ASCC3: variants seen among roughly 807,000 people sequenced by gnomAD.
ASCC3 encodes activating signal cointegrator 1 complex subunit 3.
ASCC3 carries 158 observed loss-of-function variants against 256.3 expected under a neutral mutation model. That is an observed-to-expected ratio of 0.62 (90% confidence interval 0.54 to 0.70). The LOEUF is 0.70. Ranked by LOEUF, ASCC3 falls within the 30% of genes least tolerant of loss-of-function variation. The pLI, the probability that ASCC3 is intolerant of heterozygous loss-of-function variation, is 0.00. For missense variants in ASCC3, 2,259 were observed against 2,626.0 expected, an observed-to-expected ratio of 0.86 and a Z score of 3.05; for synonymous variants, 948 against 883.4, an observed-to-expected ratio of 1.07 and a Z score of -1.30.
chr6:100,707,593 T>A (rs533742740), intron 13 of ASCC3, among the ~76,000 whole-genome samples: 17 of 152,186 alleles, frequency 1.1e-4, no homozygotes, highest in African/African-American at 3.6e-4. Context: ...GTACATTTTA[T>A]TAAAAGATAA....
chr6:100,717,114 T>C (rs975688110), intron 12 of ASCC3, among the ~76,000 whole-genome samples: 2 of 151,940 alleles, frequency 1.3e-5, no homozygotes, highest in Non-Finnish European at 2.9e-5. Flanking sequence ...TGTACAAGTC[T>C]AAAATGACTC....
At chr6:100,520,777 T>C (rs1272574956) in intron 37 of ASCC3, among the ~76,000 whole-genome samples, 1 of 152,300 alleles carries the variant, frequency 6.6e-6, no homozygotes, top group East Asian at 1.9e-4. Flanking sequence ...TGTAGTGGGC[T>C]ATACCATCTA....
At chr6:100,563,255 C>G (rs1010809964) in intron 36 of ASCC3, among the ~76,000 whole-genome samples, 6 of 152,002 alleles carry the variant, frequency 3.9e-5, no homozygotes, top group Non-Finnish European at 8.8e-5. Flanking sequence ...TTCTTCAACT[C>G]TTTTTTGTGC....
chr6:100,663,658 G>A (rs1289176582), intron 14 of ASCC3, among the ~76,000 whole-genome samples: 1 of 152,048 alleles, frequency 6.6e-6, no homozygotes, highest in Non-Finnish European at 1.5e-5. Flanking sequence ...GAATAAAAAC[G>A]AAATTGTATG....
intron 4 of ASCC3, among the ~76,000 whole-genome samples, chr6:100,847,609 T>C (rs537699927): frequency 6.6e-6 from 1 of 152,316 alleles, no homozygotes; most frequent in African/African-American, 2.4e-5. Context: ...ATAATGATTA[T>C]TTAACATGTT....
chr6:100,765,250 C>A (rs925270732), intron 10 of ASCC3, among the ~76,000 whole-genome samples: 2 of 152,220 alleles, frequency 1.3e-5, no homozygotes, highest in Admixed American at 6.5e-5. Flanking sequence ...CTAAGCCCCC[C>A]AACCATCTGA....
At chr6:100,548,146 G>C (rs2114678899) in intron 36 of ASCC3, among the ~76,000 whole-genome samples, 1 of 151,916 alleles carries the variant, frequency 6.6e-6, no homozygotes, top group African/African-American at 2.4e-5. Flanking sequence ...GCTACCTAGG[G>C]GAGTGGTCAT....
chr6:100,672,736 A>G (rs1776810731), intron 14 of ASCC3, among the ~76,000 whole-genome samples: 2 of 152,204 alleles, frequency 1.3e-5, no homozygotes, highest in South Asian at 2.1e-4. Flanking sequence ...CAAATTTCTA[A>G]TAAGTACCTA....
At chr6:100,747,747 G>T (rs1244501982) in intron 10 of ASCC3, among the ~76,000 whole-genome samples, 1 of 152,044 alleles carries the variant, frequency 6.6e-6, no homozygotes, top group East Asian at 1.9e-4. Context: ...AGAGAGGGAT[G>T]AATTATTTTG....
intron 13 of ASCC3, among the ~76,000 whole-genome samples, chr6:100,694,742 C>A (rs1274987360): frequency 1.3e-5 from 2 of 151,918 alleles, no homozygotes; most frequent in Non-Finnish European, 2.9e-5. Context: ...GTAACACTTT[C>A]AAGATGTCCA....
chr6:100,568,731 G>C (rs184968643), intron 36 of ASCC3, among the ~76,000 whole-genome samples: 39 of 148,290 alleles, frequency 2.6e-4, no homozygotes, highest in African/African-American at 6.9e-4. Context: ...TGCTGCAATT[G>C]CTTTTGAGGA....
At chr6:100,653,093 A>G (rs982087275) in intron 17 of ASCC3, among the ~76,000 whole-genome samples, 4 of 152,208 alleles carry the variant, frequency 2.6e-5, no homozygotes, top group Non-Finnish European at 5.9e-5. Flanking sequence ...AAAATTCATT[A>G]AAATTATCAA....
intron 2 of ASCC3, among the ~76,000 whole-genome samples, chr6:100,866,857 C>A (rs535321476): frequency 6.6e-6 from 1 of 152,280 alleles, no homozygotes; most frequent in South Asian, 2.1e-4. Context: ...TTTTGTTATT[C>A]TGTGCAAACT....
At position 100,586,778 on chromosome 6, in the gene ASCC3, C is replaced by T. The variant is rs575692234; in HGVS notation, c.5550+2856G>A. Among the ~76,000 whole-genome samples, 6 of 152,190 alleles carry T rather than the reference C, an allele frequency of 3.9e-5. No homozygotes were observed. The South Asian group carries it at 6.2e-4, about 16-fold the overall frequency. On this transcript the variant is annotated intron_variant, in intron 36 of 41. Transcript: ENST00000369162. ...AATCTTAATGAACCTAATTTCTATA[C>T]GTTATTAATACCCCCAAATCCTGAA... is the stretch of plus-strand genomic sequence containing the variant.
chr6:100,693,006 T>C (rs1004786327), intron 13 of ASCC3, among the ~76,000 whole-genome samples: 28 of 151,870 alleles, frequency 1.8e-4, no homozygotes, highest in African/African-American at 6.8e-4. Context: ...TAGAATATTA[T>C]CCATTTTAAC....
rs369554788 is a variant in ASCC3 at position 100,608,241 on chromosome 6, TTATATA to T, written c.4786-1159_4786-1154del. On this transcript the variant is annotated intron_variant, in intron 30 of 41. Transcript: ENST00000369162. ...ATATATACTTTATATACTTTATACT[TTATATA>T]TATACTTTATATATACTTTATATAT... Among the ~76,000 whole-genome samples the T allele has an allele frequency of 6.0e-3, 228 of 38,280 alleles. 65 individuals are homozygous for T. The highest frequency in any genetic ancestry group is 0.016 in the African/African-American group (217 of 13,516). The allele number at this position is 38,280 out of a possible 152,430, so 25.1% of individuals were successfully genotyped here.
At chr6:100,879,161 G>GT (rs1417335300) in intron 1 of ASCC3, among the ~76,000 whole-genome samples, 1 of 152,188 alleles carries the variant, frequency 6.6e-6, no homozygotes, top group Non-Finnish European at 1.5e-5. Flanking sequence ...ATAGGATAGG[G>GT]TAATTTATAA....
intron 8 of ASCC3, among the ~76,000 whole-genome samples, chr6:100,783,597 A>G (rs1253550525): frequency 2.6e-5 from 4 of 152,126 alleles, no homozygotes; most frequent in African/African-American, 9.7e-5. Flanking sequence ...TCCAACTATG[A>G]CTTTCTTTCC....
chr6:100,762,309 C>T lies in ASCC3; in HGVS notation c.1737+4256G>A, dbSNP rs190325627. ...TTCAGAACTCAGAGCAAATGCTTTGCTTTAACACAGTTACTGCCAGGACAG... is the reference window on the plus strand; with the variant it reads ...TTCAGAACTCAGAGCAAATGCTTTGTTTTAACACAGTTACTGCCAGGACAG... On this transcript the variant is annotated intron_variant, in intron 10 of 41. Transcript: ENST00000369162. Among the ~76,000 whole-genome samples, 82 of 152,314 alleles carry T rather than the reference C, an allele frequency of 5.4e-4. 1 individual carries two copies. The highest frequency in any genetic ancestry group is 9.6e-4 in the Non-Finnish European group (65 of 68,022).
Sources: gnomAD v4.1 joint callset for allele counts (sites outside exome capture counted in the v4.1 genomes callset) on GRCh38, gnomAD v4.1.1 for gene constraint, MANE v1.5 for transcripts, NCBI Gene and HGNC (gene_info 2026-07-23, HGNC 2026-07-21) for gene names.